UBAP2: variants seen among roughly 807,000 people sequenced by gnomAD.
UBAP2 encodes ubiquitin-associated protein 2.
In UBAP2, 75 loss-of-function variants were observed where a neutral mutation model predicts 139.6. The ratio of observed to expected loss-of-function variants is 0.54; its 90% CI spans 0.45 to 0.65. The LOEUF is 0.65. Among genes scored for constraint, UBAP2 ranks in the 30% least tolerant of loss-of-function variants. The pLI, the probability that UBAP2 is intolerant of heterozygous loss-of-function variation, is 0.00. For synonymous variants in UBAP2, 526 were observed against 526.2 expected, an observed-to-expected ratio of 1.00 and a Z score of 0.01; for missense variants, 1,368 against 1,369.6, an observed-to-expected ratio of 1.00 and a Z score of 0.02.
Position 33,963,730 on chromosome 9 carries a change from G to A in UBAP2, c.741C>T (p.Leu247=), listed in dbSNP as rs201681879. The A allele has an allele frequency of 8.7e-6, 14 of 1,600,762 alleles. No homozygotes were observed. The East Asian group carries it at 2.2e-4, about 26-fold the overall frequency. Residue 247 remains leucine (L), a synonymous_variant, in exon 9 of 29, where the codon CTC becomes CTT. Coordinates refer to ENST00000379238, the MANE Select transcript of UBAP2 (RefSeq NM_001370062.2). ...QDLSNKSSYG[L]KGAWKNSVEE... Reference sequence around the variant, plus strand: ...TAAAAAATTAAGTATTCATACCTTTGAGTCCATAAGAACTTTTGTTTGACA... The same window carrying A: ...TAAAAAATTAAGTATTCATACCTTTAAGTCCATAAGAACTTTTGTTTGACA...
intron 1 of UBAP2, among the ~76,000 whole-genome samples, chr9:34,039,800 G>GCCAAATC (rs1362482030): frequency 7.8e-6 from 1 of 128,078 alleles, no homozygotes; most frequent in Non-Finnish European, 1.6e-5. Flanking sequence ...CTATGACCCT[G>GCCAAATC]CCAAATCCCC....
At position 34,039,019 on chromosome 9, in the gene UBAP2, A is replaced by G. The variant is rs868824189; in HGVS notation, c.-42+9806T>C. ...CGTCTCTGCCCGGCCGACCCGTCTG[A>G]GAAGTGAGGAGCCCCTCCGCCCAGC... On this transcript the variant is annotated intron_variant, in intron 1 of 28. Coordinates refer to ENST00000379238, the MANE Select transcript of UBAP2 (RefSeq NM_001370062.2). Among the ~76,000 whole-genome samples, 626 of 137,528 alleles carry G rather than the reference A, an allele frequency of 4.6e-3. 2 individuals carry two copies. The highest frequency in any genetic ancestry group is 7.4e-3 in the Non-Finnish European group (481 of 64,704). 90.2% of individuals were successfully genotyped at this position (137,528 alleles called of 152,430 possible).
intron 1 of UBAP2, among the ~76,000 whole-genome samples, chr9:34,026,508 G>A (rs1333775096): frequency 6.6e-6 from 1 of 152,178 alleles, no homozygotes; most frequent in African/African-American, 2.4e-5. Context: ...GCTGTTCACT[G>A]AGTCATGAGA....
At chr9:33,969,203 A>G (rs1481076251) in intron 8 of UBAP2, among the ~76,000 whole-genome samples, 1 of 152,150 alleles carries the variant, frequency 6.6e-6, no homozygotes, top group African/African-American at 2.4e-5. Flanking sequence ...ATGTGAACCT[A>G]TATTTTCCTT....
intron 1 of UBAP2, among the ~76,000 whole-genome samples, chr9:34,045,226 G>A (rs752939412): frequency 6.6e-6 from 1 of 151,166 alleles, no homozygotes; most frequent in African/African-American, 2.4e-5. Flanking sequence ...GGCGCCAGTA[G>A]TCCCAGGTAC....
At chr9:33,936,402 T>C (rs926118751) in intron 16 of UBAP2, among the ~76,000 whole-genome samples, 1 of 152,070 alleles carries the variant, frequency 6.6e-6, no homozygotes, top group African/African-American at 2.4e-5. Context: ...CAAGTGATTC[T>C]CCTACCTCAG....
chr9:34,033,758 CAG>C (rs907750447), intron 1 of UBAP2, among the ~76,000 whole-genome samples: 2 of 148,116 alleles, frequency 1.4e-5, no homozygotes, highest in Non-Finnish European at 3.0e-5. Flanking sequence ...TTTTTTTAAA[CAG>C]AGTTTCACTC....
chr9:33,978,387 T>G (rs1001587278), intron 6 of UBAP2, among the ~76,000 whole-genome samples: 2 of 151,974 alleles, frequency 1.3e-5, no homozygotes, highest in Admixed American at 6.6e-5. Flanking sequence ...AAAAAAAAAT[T>G]TTTAAGTAGA....
At chr9:33,950,115 G>A (rs1259596856) in intron 12 of UBAP2, among the ~76,000 whole-genome samples, 2 of 152,126 alleles carry the variant, frequency 1.3e-5, no homozygotes, top group Admixed American at 6.5e-5. Context: ...ACCCAGGCTG[G>A]AGTGCAGTGG....
intron 1 of UBAP2, among the ~76,000 whole-genome samples, chr9:34,045,092 A>G (rs900314247): frequency 1.3e-5 from 2 of 152,066 alleles, no homozygotes; most frequent in Admixed American, 6.6e-5. Flanking sequence ...TCACCCCTGT[A>G]ATCCCAGCAC....
chr9:33,922,581 T>C lies in UBAP2; in HGVS notation c.3283A>G (p.Ser1095Gly). The change falls in exon 29 of 29, where the codon AGC becomes GGC. Residue 1095 changes from serine to glycine, a missense_variant. Transcript: ENST00000379238. The stretch of plus-strand genomic sequence containing the variant: ...TTGGGCTGCAGGGAGCTGGGCTGGC[T>C]GCGCTGACCCGAGCCACTCTGAGGA... Reference protein sequence around the residue: ...QDAQSGSGQRSQPSSLQPKSQ... With the variant: ...QDAQSGSGQRGQPSSLQPKSQ... The C allele has an allele frequency of 6.2e-7, 1 of 1,613,398 alleles. No individual in the cohort carries two copies. The highest frequency in any genetic ancestry group is 1.3e-5 in the African/African-American group (1 of 75,040).
At chr9:33,993,896 C>CTTTTTTTTTTTTTTT in intron 4 of UBAP2, among the ~76,000 whole-genome samples, 1 of 137,274 alleles carries the variant, frequency 7.3e-6, no homozygotes, top group Non-Finnish European at 1.5e-5. Context: ...GCTTTGCTTT[C>CTTTTTTTTTTTTTTT]TTTTTTTTTT....
At position 33,925,982 on chromosome 9, in the gene UBAP2, T is replaced by C. The variant is rs181771889; in HGVS notation, c.2511+635A>G. Among the ~76,000 whole-genome samples, 914 of 152,294 alleles carry C rather than the reference T, an allele frequency of 6.0e-3. 6 individuals carry two copies. The highest frequency in any genetic ancestry group is 0.021 in the African/African-American group (865 of 41,564). On this transcript the variant is annotated intron_variant, in intron 22 of 28. Transcript: ENST00000379238. ...CCCTCTGTCCCCACAGTTCTGTTCA[T>C]GTGGCTATCCCAGGAAAGGCCCACA...
rs1192745262 is a variant in UBAP2, at chr9:34,031,476, T to C, written c.-41-14287A>G. 2.0e-5 allele frequency among the ~76,000 whole-genome samples: 3 copies of C among 151,944 alleles called. No individual in the cohort carries two copies. In the East Asian group the frequency reaches 5.8e-4, roughly 29 times the overall value. On this transcript the variant is annotated intron_variant, in intron 1 of 28. Coordinates refer to ENST00000379238, the MANE Select transcript of UBAP2 (RefSeq NM_001370062.2). ...ATGCCCACCACCACACCTGGCTAAT[T>C]TTTGTATTTTTAGTAGAGACAGGTT...
intron 1 of UBAP2, among the ~76,000 whole-genome samples, chr9:34,038,314 G>A (rs1826649267): frequency 6.6e-6 from 1 of 152,052 alleles, no homozygotes; most frequent in African/African-American, 2.4e-5. Context: ...CTCTCCCCAC[G>A]GTCTCCCTCT....
chr9:34,016,253 AGG>A (rs1564064050), intron 2 of UBAP2, among the ~76,000 whole-genome samples: 45 of 20,842 alleles, frequency 2.2e-3, no homozygotes, highest in East Asian at 0.01. Flanking sequence ...GAAGAGGAGG[AGG>A]AGGAAGAGGA....
chr9:34,013,152 C>CAAAAAA (rs398010658), intron 2 of UBAP2, among the ~76,000 whole-genome samples: 148 of 78,164 alleles, frequency 1.9e-3, no homozygotes, highest in Middle Eastern at 7.9e-3. Flanking sequence ...GACTCTAGCT[C>CAAAAAA]AAAAAAAAAA....
chr9:34,029,296 G>A (rs1825680965), intron 1 of UBAP2, among the ~76,000 whole-genome samples: 1 of 152,260 alleles, frequency 6.6e-6, no homozygotes, highest in Admixed American at 6.5e-5. Flanking sequence ...GGAGGCTGAG[G>A]AGGGTGGATC....
intron 6 of UBAP2, among the ~76,000 whole-genome samples, chr9:33,977,034 T>A (rs1390494341): frequency 7.0e-6 from 1 of 143,236 alleles, no homozygotes; most frequent in Non-Finnish European, 1.5e-5. Flanking sequence ...AACAGTTGTT[T>A]TTTATTTATT....
Sources: gnomAD v4.1 joint callset for allele counts (sites outside exome capture counted in the v4.1 genomes callset) on GRCh38, gnomAD v4.1.1 for gene constraint, MANE v1.5 for transcripts, NCBI Gene and HGNC (gene_info 2026-07-23, HGNC 2026-07-21) for gene names.